The following VPS53 variants were observed in gnomAD, a reference collection of about 807,000 sequenced individuals.
The protein encoded by VPS53 is VPS53 subunit of GARP complex.
A neutral mutation model predicts 107.0 loss-of-function variants in VPS53; 70 were observed. The observed-to-expected ratio is 0.65, with a 90% confidence interval of 0.54 to 0.80. The LOEUF (loss-of-function observed/expected upper bound fraction) is 0.80. Ranked by LOEUF, VPS53 falls within the 30% of genes least tolerant of loss-of-function variation. The pLI is 0.00. For synonymous variants in VPS53, 409 were observed against 393.3 expected (o/e 1.04, Z -0.47); for missense variants, 917 against 1,049.4 (o/e 0.87, Z 1.74).
intron 2 of VPS53, among the ~76,000 whole-genome samples, chr17:703,642 T>C (rs1597508157): frequency 6.6e-6 from 1 of 152,194 alleles, no homozygotes; most frequent in African/African-American, 2.4e-5. Flanking sequence ...TTGCAAAATA[T>C]TTCCTGATTC....
intron 13 of VPS53, among the ~76,000 whole-genome samples, chr17:565,403 CAAAAAAAA>C (rs535932031): frequency 4.0e-4 from 33 of 82,518 alleles, no homozygotes; most frequent in Admixed American, 5.6e-4. Flanking sequence ...AACCCCATCT[CAAAAAAAA>C]AAAAAAAAAA....
Position 640,381 on chromosome 17 carries a change from A to G in VPS53, c.609-8753T>C, listed in dbSNP as rs140867731. ...GCGATGCCCTGCCCTGCTTCAGCTC[A>G]TGTTTGGTGGGCTGCACCCACTGTC... On this transcript the variant is annotated intron_variant, in intron 7 of 21. Transcript: ENST00000437048. Among the ~76,000 whole-genome samples the G allele has an allele frequency of 8.6e-3, 1,306 of 152,098 alleles. 8 individuals carry two copies. The highest frequency in any genetic ancestry group is 0.014 in the Non-Finnish European group (941 of 67,998).
In VPS53 at chr17:627,297, A is replaced by G; in HGVS notation, c.851T>C (p.Ile284Thr). 6.2e-7 allele frequency: 1 copy of G among 1,613,600 alleles called. No individual in the cohort carries two copies. The highest frequency in any genetic ancestry group is 1.7e-4 in the Middle Eastern group (1 of 6,058). ...TTTTATCCAGGCATAGCGTCTGTCG[A>G]TTTTGTCCAGCCAGGCAACCTGGTG... ...ENQDVAWLDKIDRRYAWIKRQ... is the reference protein window; with the variant it reads ...ENQDVAWLDKTDRRYAWIKRQ... Residue 284 changes from isoleucine to threonine, a missense_variant, in exon 10 of 22, where the codon ATC (isoleucine) becomes ACC (threonine). Coordinates refer to ENST00000437048, the MANE Select transcript of VPS53 (RefSeq NM_001128159.3).
intron 3 of VPS53, among the ~76,000 whole-genome samples, chr17:698,950 T>C (rs1973090703): frequency 6.6e-6 from 1 of 151,980 alleles, no homozygotes; most frequent in Non-Finnish European, 1.5e-5. Flanking sequence ...GGTGGATCAC[T>C]TGAGGTCAGG....
intron 11 of VPS53, among the ~76,000 whole-genome samples, chr17:612,077 C>A (rs1968906286): frequency 6.6e-6 from 1 of 151,744 alleles, no homozygotes; most frequent in Non-Finnish European, 1.5e-5. Flanking sequence ...TAAAAATATT[C>A]ACATAGTGAG....
intron 2 of VPS53, among the ~76,000 whole-genome samples, chr17:706,641 T>C (rs1390965093): frequency 6.6e-6 from 1 of 152,192 alleles, no homozygotes; most frequent in Non-Finnish European, 1.5e-5. Flanking sequence ...GAAGTCTGTG[T>C]TGGTAGACTA....
intron 17 of VPS53, among the ~76,000 whole-genome samples, chr17:539,512 A>G (rs1910419618): frequency 6.6e-6 from 1 of 152,264 alleles, no homozygotes; most frequent in African/African-American, 2.4e-5. Flanking sequence ...AGTGATTTAA[A>G]GTACTAGAAA....
intron 1 of VPS53, among the ~76,000 whole-genome samples, chr17:713,113 A>T (rs1478305302): frequency 6.6e-6 from 1 of 152,022 alleles, no homozygotes; most frequent in Non-Finnish European, 1.5e-5. Flanking sequence ...AGGCAGGGTT[A>T]TCACTTGAGC....
chr17:547,605 T>C lies in VPS53; in HGVS notation c.1866+4267A>G, dbSNP rs533678720. ...AGATGGTGGTGGTGGTTTCATGACATTGTGGATATACTAAAAACAACTAAA... is the reference window on the plus strand; with the variant it reads ...AGATGGTGGTGGTGGTTTCATGACACTGTGGATATACTAAAAACAACTAAA... On this transcript the variant is annotated intron_variant, in intron 17 of 21. Transcript: ENST00000437048. Among the ~76,000 whole-genome samples the C allele has an allele frequency of 7.9e-5, 12 of 152,288 alleles. No individual in the cohort carries two copies. In the East Asian group the frequency reaches 1.4e-3, roughly 17 times the overall value.
chr17:667,553 G>C (rs1971747803), intron 4 of VPS53, among the ~76,000 whole-genome samples: 1 of 81,146 alleles, frequency 1.2e-5, no homozygotes, highest in Admixed American at 1.6e-4. Context: ...GTTCTGGGGG[G>C]GGCAATGGGT....
intron 11 of VPS53, among the ~76,000 whole-genome samples, chr17:605,655 G>A (rs542892479): frequency 7.0e-6 from 1 of 142,408 alleles, no homozygotes; most frequent in Non-Finnish European, 1.5e-5. Flanking sequence ...GTGAGTCAGG[G>A]ACAGAAAGGA....
intron 14 of VPS53, among the ~76,000 whole-genome samples, chr17:561,343 T>A (rs978448579): frequency 6.6e-6 from 1 of 152,232 alleles, no homozygotes; most frequent in Admixed American, 6.5e-5. Context: ...TTGGCTCCTT[T>A]CACCTTGCCC....
chr17:628,058 T>C, intron 9 of VPS53, 30 bp downstream of exon 9: 1 of 1,590,822 alleles, frequency 6.3e-7, no homozygotes, highest in Non-Finnish European at 8.6e-7. Flanking sequence ...ATTCAAATGT[T>C]ACATCTGATC....
rs1193331997 is a variant in VPS53 at position 518,546 on chromosome 17, C to A, written c.*582G>T. 2 of 151,842 alleles carry A rather than the reference C, an allele frequency of 1.3e-5. No homozygotes were observed. Among genetic ancestry groups the A allele is most frequent in the South Asian group, 4.2e-4 (2 of 4,806 alleles). The allele number at this position is 151,842 out of a possible 1,614,324, so 9.4% of individuals were successfully genotyped here. A position where few individuals can be genotyped will look rare whatever the true frequency, so the allele number is the denominator to read the frequency against. ...TCATCTGATGAGAAAACCTAGGAAACGTCTTCCAAGTGAACTTCCTGGTTT... is the reference window on the plus strand; with the variant it reads ...TCATCTGATGAGAAAACCTAGGAAAAGTCTTCCAAGTGAACTTCCTGGTTT... On this transcript the variant is annotated 3_prime_UTR_variant, in exon 22 of 22. Transcript: ENST00000437048.
chr17:533,831 G>C (rs959589914), intron 18 of VPS53, among the ~76,000 whole-genome samples: 3 of 145,836 alleles, frequency 2.1e-5, no homozygotes, highest in African/African-American at 7.5e-5. Context: ...TGCACATTGA[G>C]TAAATCATAA....
At chr17:562,892 A>C in intron 13 of VPS53, 147 bp from the exon 14 acceptor site, 1 of 847,800 alleles carries the variant, frequency 1.2e-6, no homozygotes, top group Non-Finnish European at 1.8e-6. Flanking sequence ...TTTAATCAAT[A>C]TCATCATTCA....
At chr17:613,963 A>C in intron 11 of VPS53, among the ~76,000 whole-genome samples, 1 of 152,222 alleles carries the variant, frequency 6.6e-6, no homozygotes, top group East Asian at 1.9e-4. Context: ...GCACTGACAC[A>C]CACCTCATCA....
chr17:656,165 A>G (rs1971179646), intron 5 of VPS53, among the ~76,000 whole-genome samples: 1 of 152,154 alleles, frequency 6.6e-6, no homozygotes, highest in South Asian at 2.1e-4. Context: ...GGGTTATAAA[A>G]CCTTCAGTTG....
At chr17:529,419 CA>C (rs1567600283) in intron 19 of VPS53, among the ~76,000 whole-genome samples, 47 of 152,110 alleles carry the variant, frequency 3.1e-4, no homozygotes, top group African/African-American at 9.4e-4. Context: ...CACACACACA[CA>C]CACCCCTGCT....
Sources: gnomAD v4.1 joint callset for allele counts (sites outside exome capture counted in the v4.1 genomes callset) on GRCh38, gnomAD v4.1.1 for gene constraint, MANE v1.5 for transcripts, NCBI Gene and HGNC (gene_info 2026-07-23, HGNC 2026-07-21) for gene names.